Variants in EXOC4 observed in about 807,000 individuals in gnomAD.
EXOC4 encodes the protein SEC8-like 1.
In EXOC4, 71 loss-of-function variants were observed where a neutral mutation model predicts 107.2. That is an observed-to-expected ratio of 0.66 (90% CI 0.55 to 0.81). The LOEUF is 0.81. Among genes scored for constraint, EXOC4 ranks in the 30% least tolerant of loss-of-function variants. The pLI, the probability that EXOC4 is intolerant of heterozygous loss-of-function variation, is 0.00. For synonymous variants in EXOC4, 456 were observed against 441.2 expected (o/e 1.03, Z -0.42); for missense variants, 1,108 against 1,189.6 (o/e 0.93, Z 1.01).
At chr7:133,755,170 C>A (rs948964770) in intron 10 of EXOC4, among the ~76,000 whole-genome samples, 4 of 142,798 alleles carry the variant, frequency 2.8e-5, no homozygotes, top group Admixed American at 7.2e-5. Context: ...TATATAAATT[C>A]TTCACACTAT....
At chr7:134,095,947 A>T in the EXOC4 span, among the ~76,000 whole-genome samples, 321 of 152,266 alleles carry the variant, frequency 2.1e-3, 1 homozygote, top group Middle Eastern at 0.037. Flanking sequence ...CAATTCCAAT[A>T]AAAAAAGTGA....
intron 10 of EXOC4, among the ~76,000 whole-genome samples, chr7:133,755,577 C>A (rs781688570): frequency 1.3e-5 from 2 of 151,290 alleles, no homozygotes; most frequent in African/African-American, 4.9e-5. Flanking sequence ...ATCCTGACCT[C>A]GTGATCCACC....
In EXOC4 at chr7:133,629,530, TTTTG is replaced by T. The variant is rs10699272; in HGVS notation, c.1418-491_1418-488del. On this transcript the variant is annotated intron_variant, in intron 9 of 17. Transcript: ENST00000253861. ...AGTAAAAGTGCTGTTTTTTGTTTTG[TTTTG>T]TTTGTTTGTTTGTTTGTTTGTTTTG... Among the ~76,000 whole-genome samples, 84 of 149,856 alleles carry T rather than the reference TTTTG, an allele frequency of 5.6e-4. 1 individual carries two copies. The highest frequency in any genetic ancestry group is 8.6e-4 in the South Asian group (4 of 4,664).
intron 16 of EXOC4, among the ~76,000 whole-genome samples, chr7:134,006,151 C>G (rs1191528125): frequency 6.6e-6 from 1 of 151,992 alleles, no homozygotes; most frequent in Non-Finnish European, 1.5e-5. Context: ...CTTCCCAGCC[C>G]CTGCATATCA....
At chr7:133,670,837 AAAC>A (rs1426290503) in intron 10 of EXOC4, among the ~76,000 whole-genome samples, 1 of 152,216 alleles carries the variant, frequency 6.6e-6, no homozygotes, top group Non-Finnish European at 1.5e-5. Flanking sequence ...GTAATGAAAA[AAAC>A]CTGCTTTCAT....
chr7:133,888,920 T>A (rs1159141632), intron 11 of EXOC4, among the ~76,000 whole-genome samples: 1 of 152,234 alleles, frequency 6.6e-6, no homozygotes, highest in Non-Finnish European at 1.5e-5. Flanking sequence ...AAATAAAATA[T>A]CCAAAGTGCT....
intron 9 of EXOC4, among the ~76,000 whole-genome samples, chr7:133,563,728 T>C (rs1730336352): frequency 6.6e-6 from 1 of 152,224 alleles, no homozygotes; most frequent in Non-Finnish European, 1.5e-5. Context: ...ACATCTTAGA[T>C]TAGATGAAGA....
At chr7:133,725,889 T>C (rs1053539637) in intron 10 of EXOC4, among the ~76,000 whole-genome samples, 4 of 152,166 alleles carry the variant, frequency 2.6e-5, no homozygotes, top group African/African-American at 9.7e-5. Flanking sequence ...TATTGGTGGA[T>C]TGCATGTGTG....
the EXOC4 span, among the ~76,000 whole-genome samples, chr7:134,100,711 C>T: frequency 7.1e-4 from 92 of 130,212 alleles, 23 homozygotes; most frequent in Admixed American, 2.6e-3. Context: ...TTTGAGAGAC[C>T]GAAGCAGGTA....
intron 10 of EXOC4, among the ~76,000 whole-genome samples, chr7:133,792,843 G>C (rs1277463567): frequency 2.0e-5 from 3 of 152,080 alleles, no homozygotes; most frequent in Admixed American, 1.3e-4. Flanking sequence ...CGTTCTTCAA[G>C]AAAAGGTACC....
intron 17 of EXOC4, among the ~76,000 whole-genome samples, chr7:134,031,921 A>G (rs977058074): frequency 6.6e-6 from 1 of 152,208 alleles, no homozygotes; most frequent in Admixed American, 6.5e-5. Flanking sequence ...TCCTGGTTTA[A>G]AATACTAAAT....
chr7:133,443,467 G>T (rs1798149710), intron 7 of EXOC4, among the ~76,000 whole-genome samples: 1 of 152,126 alleles, frequency 6.6e-6, no homozygotes, highest in African/African-American at 2.4e-5. Context: ...CCTAATAGTT[G>T]TCCCTGAGTC....
Position 133,253,182 on chromosome 7 carries a change from G to T in EXOC4, c.81G>T (p.Val27=). Residue 27 remains valine, a synonymous_variant, in exon 1 of 18, where the codon GTG becomes GTT. Coordinates refer to ENST00000253861, the MANE Select transcript of EXOC4 (RefSeq NM_021807.4). ...ACCCCTCGGGGCTGCTCATCTCTGT[G>T]ATCAGGTGAGGGAGGCAGGAGGCAG... is the stretch of plus-strand genomic sequence containing the variant. ...SKDPSGLLIS[V]IRTLSTSDDV... 5 of 1,614,024 alleles carry T rather than the reference G, an allele frequency of 3.1e-6. No homozygotes were observed. Among genetic ancestry groups the T allele is most frequent in the Non-Finnish European group, 4.2e-6 (5 of 1,179,932 alleles).
At chr7:133,982,052 A>G (rs775366269) in intron 14 of EXOC4, among the ~76,000 whole-genome samples, 12 of 152,204 alleles carry the variant, frequency 7.9e-5, no homozygotes, top group Non-Finnish European at 1.6e-4. Flanking sequence ...GAGCTAAATG[A>G]TGAGACCTCA....
chr7:133,471,898 T>G (rs1012259020), intron 7 of EXOC4, among the ~76,000 whole-genome samples: 6 of 152,194 alleles, frequency 3.9e-5, no homozygotes, highest in African/African-American at 1.4e-4. Context: ...TTGAATGATG[T>G]AGAAAATGGG....
intron 12 of EXOC4, among the ~76,000 whole-genome samples, chr7:133,899,711 T>C (rs1799406472): frequency 6.6e-6 from 1 of 150,596 alleles, no homozygotes; most frequent in African/African-American, 2.4e-5. Context: ...TAAAAAGGAG[T>C]GCCCCAGAGT....
intron 7 of EXOC4, among the ~76,000 whole-genome samples, chr7:133,440,003 T>A (rs773327841): frequency 6.6e-6 from 1 of 152,218 alleles, no homozygotes; most frequent in Non-Finnish European, 1.5e-5. Context: ...TTTTACTTTT[T>A]AATTCAATAT....
chr7:133,800,290 A>G (rs1439459303), intron 10 of EXOC4, among the ~76,000 whole-genome samples: 1 of 152,170 alleles, frequency 6.6e-6, no homozygotes, highest in Non-Finnish European at 1.5e-5. Flanking sequence ...TATTACTTGT[A>G]CTTTTGAAAA....
At chr7:133,829,723 A>G (rs1005356125) in intron 11 of EXOC4, among the ~76,000 whole-genome samples, 1 of 152,190 alleles carries the variant, frequency 6.6e-6, no homozygotes, top group Non-Finnish European at 1.5e-5. Flanking sequence ...AGGAGCAGCC[A>G]TCTTGGCTTT....
Sources: allele counts gnomAD v4.1 joint callset (sites outside exome capture counted in the v4.1 genomes callset), GRCh38; gene constraint gnomAD v4.1.1; transcripts MANE v1.5; gene names NCBI Gene and HGNC (gene_info 2026-07-23, HGNC 2026-07-21).